The following SGCD variants were observed in gnomAD, a reference collection of about 807,000 sequenced individuals.
The protein encoded by SGCD is delta-sarcoglycan.
A neutral mutation model predicts 36.6 loss-of-function variants in SGCD; 18 were observed. The ratio of observed to expected loss-of-function variants is 0.49; its 90% CI spans 0.34 to 0.73. The LOEUF is 0.73. Among genes scored for constraint, SGCD ranks in the 30% least tolerant of loss-of-function variants. SGCD has a pLI of 0.01. For missense variants in SGCD, 387 were observed against 346.7 expected (o/e 1.12, Z -0.92); for synonymous variants, 133 against 130.6 (o/e 1.02, Z -0.12).
At chr5:155,742,670 G>A in the SGCD span, among the ~76,000 whole-genome samples, 1 of 152,178 alleles carries the variant, frequency 6.6e-6, no homozygotes, top group Non-Finnish European at 1.5e-5. Flanking sequence ...TACCAAGCAA[G>A]CCATTCTCCA....
At chr5:156,370,795 G>A (rs941924219) in intron 3 of SGCD, among the ~76,000 whole-genome samples, 2 of 152,092 alleles carry the variant, frequency 1.3e-5, no homozygotes, top group Non-Finnish European at 2.9e-5. Flanking sequence ...AAAAAGTAGA[G>A]GGGAGATTTT....
At chr5:156,480,433 C>T (rs1755372787) in intron 3 of SGCD, among the ~76,000 whole-genome samples, 1 of 152,176 alleles carries the variant, frequency 6.6e-6, no homozygotes, top group Non-Finnish European at 1.5e-5. Flanking sequence ...CTTGTCTTTC[C>T]CCAGTCTCTT....
chr5:155,747,224 T>C, the SGCD span, among the ~76,000 whole-genome samples: 1 of 152,146 alleles, frequency 6.6e-6, no homozygotes, highest in Non-Finnish European at 1.5e-5. Context: ...CAAAATGTAA[T>C]GTAGGTTAAT....
chr5:155,754,687 C>T, the SGCD span, among the ~76,000 whole-genome samples: 2 of 152,118 alleles, frequency 1.3e-5, no homozygotes, highest in Non-Finnish European at 2.9e-5. Flanking sequence ...AAGAAAACGT[C>T]ATTGAAGAGT....
At chr5:156,595,784 T>C (rs1481753574) in intron 6 of SGCD, among the ~76,000 whole-genome samples, 1 of 152,248 alleles carries the variant, frequency 6.6e-6, no homozygotes, top group Non-Finnish European at 1.5e-5. Flanking sequence ...AGGTTCATAG[T>C]TCCAACTCTG....
chr5:156,011,194 A>G (rs896321767), intron 1 of SGCD, among the ~76,000 whole-genome samples: 4 of 152,166 alleles, frequency 2.6e-5, no homozygotes, highest in African/African-American at 9.7e-5. Context: ...AATCCTTATA[A>G]TGGCTCTGTG....
At chr5:156,568,034 T>C (rs550232258) in intron 4 of SGCD, among the ~76,000 whole-genome samples, 3 of 152,260 alleles carry the variant, frequency 2.0e-5, no homozygotes, top group Admixed American at 6.5e-5. Context: ...AGAACCTGAA[T>C]GATAGAAGAA....
intron 4 of SGCD, among the ~76,000 whole-genome samples, chr5:156,579,796 C>T (rs943900003): frequency 6.6e-6 from 1 of 152,062 alleles, no homozygotes; most frequent in African/African-American, 2.4e-5. Flanking sequence ...TTATTTTGAG[C>T]CTATGTGTGT....
intron 3 of SGCD, among the ~76,000 whole-genome samples, chr5:156,280,507 G>A (rs1766426038): frequency 6.6e-6 from 1 of 152,080 alleles, no homozygotes; most frequent in Admixed American, 6.5e-5. Flanking sequence ...TTGTTTCCTG[G>A]TTTTCAAGTT....
chr5:156,441,338 T>C (rs1209342403), intron 3 of SGCD, among the ~76,000 whole-genome samples: 1 of 146,572 alleles, frequency 6.8e-6, no homozygotes, highest in Non-Finnish European at 1.5e-5. Context: ...CAAATTAACA[T>C]ATGTCTCATA....
the SGCD span, among the ~76,000 whole-genome samples, chr5:155,838,168 T>G: frequency 1.3e-5 from 2 of 152,346 alleles, no homozygotes; most frequent in East Asian, 3.9e-4. Flanking sequence ...TTAGTAAATG[T>G]GACCATAATG....
chr5:156,321,622 G>A (rs1255732766), intron 3 of SGCD, among the ~76,000 whole-genome samples: 2 of 151,936 alleles, frequency 1.3e-5, no homozygotes, highest in Non-Finnish European at 2.9e-5. Flanking sequence ...TTGCCTCCAG[G>A]GTTGTTATAG....
chr5:156,575,137 G>A (rs1759880914), intron 4 of SGCD, among the ~76,000 whole-genome samples: 1 of 152,188 alleles, frequency 6.6e-6, no homozygotes, highest in Non-Finnish European at 1.5e-5. Context: ...GAACAGTCTT[G>A]TCTGTATTGC....
In SGCD at chr5:156,759,257, C is replaced by T; in HGVS notation, c.740C>T (p.Pro247Leu). The T allele has an allele frequency of 6.2e-7, 1 of 1,613,802 alleles. No individual in the cohort carries two copies. The highest frequency in any genetic ancestry group is 8.5e-7 in the Non-Finnish European group (1 of 1,179,736). The change falls in exon 9 of 9, where the codon CCT (proline) becomes CTT (leucine). Residue 247 changes from proline to leucine, a missense_variant. Physicochemically the swap from Pro to Leu is moderately conservative, Grantham distance 98. Transcript: ENST00000337851. ...GCGAAAATCAGGCTACCTAGACTGC[C>T]TCATGGATCCTACACGCCTACAGGA... is the stretch of plus-strand genomic sequence containing the variant. ...DAAKIRLPRL[P>L]HGSYTPTGTR...
intron 6 of SGCD, among the ~76,000 whole-genome samples, chr5:156,629,525 G>T (rs1762553359): frequency 6.6e-6 from 1 of 152,200 alleles, no homozygotes; most frequent in South Asian, 2.1e-4. Context: ...GCCCATGCAG[G>T]CAAGCCATCA....
intron 3 of SGCD, among the ~76,000 whole-genome samples, chr5:156,186,134 T>C (rs955775620): frequency 6.6e-6 from 1 of 151,810 alleles, no homozygotes; most frequent in African/African-American, 2.4e-5. Context: ...AATTTATTAA[T>C]TTACAAAAAC....
intron 3 of SGCD, among the ~76,000 whole-genome samples, chr5:156,243,116 C>G (rs1306176310): frequency 6.6e-6 from 1 of 152,036 alleles, no homozygotes; most frequent in East Asian, 1.9e-4. Context: ...GATATTGGAG[C>G]CCACACAAGG....
At chr5:155,959,863 A>G (rs1757755223) in intron 1 of SGCD, among the ~76,000 whole-genome samples, 1 of 152,102 alleles carries the variant, frequency 6.6e-6, no homozygotes, top group Non-Finnish European at 1.5e-5. Context: ...AGGAAACTGA[A>G]ACCCAGAGAG....
chr5:156,235,644 T>G (rs1310360279), intron 3 of SGCD, among the ~76,000 whole-genome samples: 1 of 152,220 alleles, frequency 6.6e-6, no homozygotes, highest in Non-Finnish European at 1.5e-5. Context: ...TACAGATGCT[T>G]TTTGGTCTGT....
Sources: gnomAD v4.1 joint callset for allele counts (sites outside exome capture counted in the v4.1 genomes callset) on GRCh38, gnomAD v4.1.1 for gene constraint, MANE v1.5 for transcripts, NCBI Gene and HGNC (gene_info 2026-07-23, HGNC 2026-07-21) for gene names.